Variants in ANKS1B observed in about 807,000 individuals in gnomAD.
ANKS1B encodes the protein ankyrin repeat and sterile alpha motif domain-containing protein 1B.
In ANKS1B, 36 loss-of-function variants were observed where a neutral mutation model predicts 148.3. The ratio of observed to expected loss-of-function variants is 0.24; its 90% CI spans 0.19 to 0.32. ANKS1B has a LOEUF of 0.32. ANKS1B is among the 10% of genes least tolerant of loss of function. The pLI is 1.00. For synonymous variants in ANKS1B, 542 were observed against 560.8 expected (o/e 0.97, Z 0.47); for missense variants, 1,157 against 1,542.6 (o/e 0.75, Z 4.19).
At position 99,559,056 on chromosome 12, in the gene ANKS1B, C is replaced by T. The variant is rs939727295; in HGVS notation, c.1273-54415G>A. Among the ~76,000 whole-genome samples the T allele has an allele frequency of 6.6e-5, 10 of 152,218 alleles. 1 individual carries two copies. The highest frequency in any genetic ancestry group is 3.9e-4 in the East Asian group (2 of 5,178). On this transcript the variant is annotated intron_variant, in intron 9 of 26. Transcript: ENST00000683438. ...GGACCAGTAATGAATCTTGGTGCTC[C>T]GAAACCCTGCGCACCGTTCCCAGCT...
rs1186645076 is a variant in ANKS1B, at chr12:99,806,256, A to G, written c.669+148T>C. On this transcript the variant is annotated intron_variant, in intron 4 of 26. Coordinates refer to ENST00000683438, the MANE Select transcript of ANKS1B (RefSeq NM_001352186.2). Reference sequence around the variant, plus strand: ...GTAGCTCTTCATATTTCCCAAAAGTAGGTGGCATAGTACCTTGAACTCAGT... The same window carrying G: ...GTAGCTCTTCATATTTCCCAAAAGTGGGTGGCATAGTACCTTGAACTCAGT... 14 of 885,074 alleles carry G rather than the reference A, an allele frequency of 1.6e-5. No homozygotes were observed. In the East Asian group the frequency reaches 3.7e-4, roughly 24 times the overall value. The allele number at this position is 885,074 out of a possible 1,614,324, so 54.8% of individuals were successfully genotyped here.
At chr12:99,712,994 C>A (rs1423236161) in intron 8 of ANKS1B, among the ~76,000 whole-genome samples, 1 of 152,160 alleles carries the variant, frequency 6.6e-6, no homozygotes, top group East Asian at 1.9e-4. Context: ...AAACAAACTT[C>A]TATCATTTTG....
intron 16 of ANKS1B, among the ~76,000 whole-genome samples, chr12:99,057,826 G>T (rs2040795607): frequency 6.6e-6 from 1 of 152,204 alleles, no homozygotes; most frequent in Non-Finnish European, 1.5e-5. Context: ...GTGCTGAGAA[G>T]TTGCATAACT....
chr12:99,704,461 T>C (rs2055387027), intron 8 of ANKS1B, among the ~76,000 whole-genome samples: 1 of 152,132 alleles, frequency 6.6e-6, no homozygotes, highest in African/African-American at 2.4e-5. Context: ...AGTCTAGAAA[T>C]AGAAATATAT....
At chr12:99,712,942 T>C (rs10860495) in intron 8 of ANKS1B, among the ~76,000 whole-genome samples, 100,790 of 152,056 alleles carry the variant, frequency 0.66, 33,504 homozygotes, top group Non-Finnish European at 0.69. Flanking sequence ...AAACCTGAGT[T>C]ATTTTATTAG....
chr12:98,867,484 A>G (rs1382734498), intron 17 of ANKS1B, among the ~76,000 whole-genome samples: 3 of 152,256 alleles, frequency 2.0e-5, no homozygotes, highest in Non-Finnish European at 1.5e-5. Context: ...ACCAAATGCA[A>G]TCAGCAGCTA....
intron 9 of ANKS1B, among the ~76,000 whole-genome samples, chr12:99,541,654 A>G (rs2097127260): frequency 6.6e-6 from 1 of 152,128 alleles, no homozygotes; most frequent in Admixed American, 6.5e-5. Flanking sequence ...CAGGAGCTCG[A>G]GACCAGCCTG....
chr12:99,488,141 T>C (rs1236429953), intron 10 of ANKS1B, among the ~76,000 whole-genome samples: 3 of 152,168 alleles, frequency 2.0e-5, no homozygotes, highest in Non-Finnish European at 1.5e-5. Flanking sequence ...TGACTAATGA[T>C]AGTCCTGCAA....
At chr12:99,630,332 A>G (rs1191828416) in intron 9 of ANKS1B, among the ~76,000 whole-genome samples, 4 of 152,186 alleles carry the variant, frequency 2.6e-5, no homozygotes, top group African/African-American at 9.6e-5. Flanking sequence ...TGTTGTAATC[A>G]GTTATCCCCG....
chr12:99,132,444 C>T (rs148170153), intron 15 of ANKS1B, among the ~76,000 whole-genome samples: 49 of 151,004 alleles, frequency 3.2e-4, no homozygotes, highest in Admixed American at 1.5e-3. Flanking sequence ...AGTTTGAGAC[C>T]GGCTTAGACA....
intron 1 of ANKS1B, among the ~76,000 whole-genome samples, chr12:99,958,585 A>T (rs2095358776): frequency 6.6e-6 from 1 of 152,110 alleles, no homozygotes; most frequent in Non-Finnish European, 1.5e-5. Flanking sequence ...GGGTTTCGCC[A>T]TGTTGGCCAG....
chr12:99,875,262 T>C (rs943873724), intron 1 of ANKS1B, among the ~76,000 whole-genome samples: 3 of 152,194 alleles, frequency 2.0e-5, no homozygotes, highest in African/African-American at 4.8e-5. Flanking sequence ...TTTCAAAATG[T>C]TGGATTTGGC....
intron 17 of ANKS1B, among the ~76,000 whole-genome samples, chr12:98,910,223 T>C (rs553392453): frequency 1.3e-5 from 2 of 152,352 alleles, no homozygotes; most frequent in South Asian, 2.1e-4. Context: ...AAGTGAACTT[T>C]GACTCTCAAA....
intron 9 of ANKS1B, among the ~76,000 whole-genome samples, chr12:99,510,476 G>A (rs1000810190): frequency 2.6e-5 from 4 of 151,986 alleles, no homozygotes; most frequent in Non-Finnish European, 5.9e-5. Flanking sequence ...TTTGGTGGAG[G>A]AAGTAACTGC....
At chr12:99,642,917 T>C (rs1233732572) in intron 9 of ANKS1B, among the ~76,000 whole-genome samples, 2 of 152,210 alleles carry the variant, frequency 1.3e-5, no homozygotes, top group Non-Finnish European at 2.9e-5. Flanking sequence ...AAGCTAGCAA[T>C]GTAACATCTT....
At chr12:99,173,936 G>T (rs2078079463) in intron 14 of ANKS1B, among the ~76,000 whole-genome samples, 1 of 152,116 alleles carries the variant, frequency 6.6e-6, no homozygotes, top group Non-Finnish European at 1.5e-5. Context: ...TTGATTCTTA[G>T]TTCCTTCTAC....
At chr12:99,446,478 C>CTA (rs1473905581) in intron 10 of ANKS1B, among the ~76,000 whole-genome samples, 5 of 152,038 alleles carry the variant, frequency 3.3e-5, no homozygotes, top group Admixed American at 1.3e-4. Flanking sequence ...CCCAAATTAA[C>CTA]TTACAAAATA....
intron 10 of ANKS1B, among the ~76,000 whole-genome samples, chr12:99,446,352 G>A (rs1406119061): frequency 6.6e-6 from 1 of 152,134 alleles, no homozygotes; most frequent in Non-Finnish European, 1.5e-5. Flanking sequence ...TGTAGGCAAT[G>A]AGAAATATTG....
chr12:99,091,487 T>C (rs1265265283), intron 15 of ANKS1B, among the ~76,000 whole-genome samples: 1 of 152,232 alleles, frequency 6.6e-6, no homozygotes, highest in Non-Finnish European at 1.5e-5. Context: ...TATACAGTAA[T>C]TTGTACTGCC....
Sources: allele counts gnomAD v4.1 joint callset (sites outside exome capture counted in the v4.1 genomes callset), GRCh38; gene constraint gnomAD v4.1.1; transcripts MANE v1.5; gene names NCBI Gene and HGNC (gene_info 2026-07-23, HGNC 2026-07-21).